The following PCDH9 variants were observed in gnomAD, a reference collection of about 807,000 sequenced individuals.
PCDH9 encodes protocadherin 9.
A neutral mutation model predicts 70.6 loss-of-function variants in PCDH9; 24 were observed. The ratio of observed to expected loss-of-function variants is 0.34; its 90% CI spans 0.25 to 0.48. The LOEUF is 0.48. Ranked by LOEUF, PCDH9 falls within the 20% of genes least tolerant of loss-of-function variation. PCDH9 has a pLI of 0.99. For synonymous variants in PCDH9, 562 were observed against 558.5 expected (o/e 1.01, Z -0.09); for missense variants, 1,281 against 1,503.6 (o/e 0.85, Z 2.45).
intron 3 of PCDH9, among the ~76,000 whole-genome samples, chr13:66,745,639 C>G (rs1014675089): frequency 1.3e-5 from 2 of 152,106 alleles, no homozygotes. Context: ...TTAGATAAAA[C>G]AGGAATGTTA....
chr13:66,974,450 G>C (rs1030072896), intron 2 of PCDH9, among the ~76,000 whole-genome samples: 2 of 151,946 alleles, frequency 1.3e-5, no homozygotes, highest in African/African-American at 4.8e-5. Flanking sequence ...AATGAGGAAG[G>C]CTTGCCTCCA....
intron 2 of PCDH9, among the ~76,000 whole-genome samples, chr13:67,082,414 A>G (rs973467233): frequency 3.9e-5 from 6 of 152,240 alleles, no homozygotes; most frequent in African/African-American, 1.4e-4. Flanking sequence ...AACAAACAGC[A>G]GGATTTCCTT....
chr13:66,601,344 C>T (rs1676153567), intron 4 of PCDH9, among the ~76,000 whole-genome samples: 1 of 145,958 alleles, frequency 6.9e-6, no homozygotes, highest in Non-Finnish European at 1.5e-5. Context: ...AAAATACAAA[C>T]ACACACACCC....
intron 4 of PCDH9, among the ~76,000 whole-genome samples, chr13:66,542,920 C>A (rs1961027665): frequency 6.6e-6 from 1 of 150,738 alleles, no homozygotes; most frequent in South Asian, 2.1e-4. Context: ...GCCACATAGT[C>A]ATCATAATAA....
intron 2 of PCDH9, among the ~76,000 whole-genome samples, chr13:67,135,722 C>CA (rs1174428641): frequency 2.0e-5 from 3 of 151,888 alleles, no homozygotes; most frequent in African/African-American, 4.8e-5. Flanking sequence ...CAATTAAAAA[C>CA]AAAAAAGCAC....
chr13:66,479,517 G>A (rs997857754), intron 4 of PCDH9, among the ~76,000 whole-genome samples: 1 of 152,192 alleles, frequency 6.6e-6, no homozygotes, highest in Admixed American at 6.5e-5. Context: ...CATGGGAAGA[G>A]GTCAAAATAC....
At chr13:66,869,782 C>T (rs553893380) in intron 3 of PCDH9, among the ~76,000 whole-genome samples, 1 of 152,144 alleles carries the variant, frequency 6.6e-6, no homozygotes, top group African/African-American at 2.4e-5. Context: ...AACATATACA[C>T]ACTCCCTGTC....
chr13:66,838,200 C>G (rs2081055894), intron 3 of PCDH9, among the ~76,000 whole-genome samples: 3 of 152,182 alleles, frequency 2.0e-5, no homozygotes, highest in South Asian at 4.1e-4. Context: ...TCATTACAGT[C>G]TAACTGGAAA....
chr13:66,856,456 T>C (rs1265327339), intron 3 of PCDH9, among the ~76,000 whole-genome samples: 2 of 152,048 alleles, frequency 1.3e-5, no homozygotes, highest in Admixed American at 1.3e-4. Flanking sequence ...AAATAACTTA[T>C]TTTGAAAAAA....
intron 3 of PCDH9, among the ~76,000 whole-genome samples, chr13:66,777,116 T>C (rs532534594): frequency 1.0e-3 from 158 of 150,888 alleles, no homozygotes; most frequent in Non-Finnish European, 1.7e-3. Flanking sequence ...TTACACCTTA[T>C]ACAAAAATTA....
At chr13:66,699,362 C>A (rs779520740) in intron 3 of PCDH9, among the ~76,000 whole-genome samples, 1 of 152,162 alleles carries the variant, frequency 6.6e-6, no homozygotes, top group Non-Finnish European at 1.5e-5. Flanking sequence ...AAACAAATGT[C>A]TGTGTCCTAA....
chr13:66,850,229 G>A (rs867249386), intron 3 of PCDH9, among the ~76,000 whole-genome samples: 1 of 152,194 alleles, frequency 6.6e-6, no homozygotes, highest in Non-Finnish European at 1.5e-5. Context: ...CAGAAAGTAA[G>A]TTCAATTGGC....
At chr13:67,199,496 C>T (rs889422848) in intron 2 of PCDH9, among the ~76,000 whole-genome samples, 6 of 151,662 alleles carry the variant, frequency 4.0e-5, no homozygotes, top group African/African-American at 7.3e-5. Flanking sequence ...AATTAAGTGA[C>T]GAACATTATT....
intron 3 of PCDH9, among the ~76,000 whole-genome samples, chr13:66,638,144 A>G (rs1202547112): frequency 6.6e-6 from 1 of 152,192 alleles, no homozygotes; most frequent in Non-Finnish European, 1.5e-5. Flanking sequence ...TAATACTACA[A>G]TGGTGAACAA....
At chr13:66,309,458 TACTG>T (rs1462748323) in intron 4 of PCDH9, among the ~76,000 whole-genome samples, 2 of 151,998 alleles carry the variant, frequency 1.3e-5, no homozygotes, top group South Asian at 4.1e-4. Flanking sequence ...TTTTTAGAAG[TACTG>T]ACTGAGTTTT....
intron 4 of PCDH9, among the ~76,000 whole-genome samples, chr13:66,532,711 G>A (rs1593632889): frequency 1.3e-5 from 2 of 151,854 alleles, no homozygotes; most frequent in Non-Finnish European, 1.5e-5. Context: ...TTATATTTTC[G>A]GTAGAGACGG....
chr13:66,397,082 G>A lies in PCDH9; in HGVS notation c.3341-92054C>T, dbSNP rs376633992. Among the ~76,000 whole-genome samples the A allele has an allele frequency of 1.4e-3, 210 of 152,252 alleles. 2 individuals are homozygous for A. Among genetic ancestry groups the A allele is most frequent in the African/African-American group, 4.9e-3 (204 of 41,550 alleles). ...ATACTGATTGAAATATATTCAAGGA[G>A]TGTTCAGCCCTGTGTCTAAAAACGG... On this transcript the variant is annotated intron_variant, in intron 4 of 4. Transcript: ENST00000377865.
At chr13:67,133,391 G>A (rs1223285869) in intron 2 of PCDH9, among the ~76,000 whole-genome samples, 1 of 152,044 alleles carries the variant, frequency 6.6e-6, no homozygotes, top group Non-Finnish European at 1.5e-5. Context: ...TTTAAAAATT[G>A]TGAATTTCAT....
At chr13:66,416,296 T>C (rs1957459198) in intron 4 of PCDH9, among the ~76,000 whole-genome samples, 1 of 149,722 alleles carries the variant, frequency 6.7e-6, no homozygotes, top group South Asian at 2.1e-4. Context: ...TGTATATCAT[T>C]AGCCCACGGA....
Sources: gnomAD v4.1 joint callset for allele counts (sites outside exome capture counted in the v4.1 genomes callset) on GRCh38, gnomAD v4.1.1 for gene constraint, MANE v1.5 for transcripts, NCBI Gene and HGNC (gene_info 2026-07-23, HGNC 2026-07-21) for gene names.